The following ATM variants were observed in gnomAD, a reference collection of about 807,000 sequenced individuals.
The protein encoded by ATM is serine-protein kinase ATM.
In ATM, 308 loss-of-function variants were observed where a neutral mutation model predicts 387.0. That is an observed-to-expected ratio of 0.80 (90% CI 0.73 to 0.87). ATM has a LOEUF of 0.87. Among genes scored for constraint, ATM ranks in the 40% least tolerant of loss-of-function variants. The pLI is 0.00. For synonymous variants in ATM, 1,156 were observed against 1,187.3 expected (o/e 0.97, Z 0.54); for missense variants, 3,312 against 3,560.9 (o/e 0.93, Z 1.78).
At chr11:108,248,909 A>T (rs2135289166) in intron 8 of ATM, 24 bp from the exon 9 acceptor site, 2 of 1,576,808 alleles carry the variant, frequency 1.3e-6, no homozygotes, top group Non-Finnish European at 1.7e-6. Flanking sequence ...AAAAGAAAAA[A>T]GTGGATTTAT....
At chr11:108,288,897 A>T (rs2135748565) in intron 27 of ATM, 80 bp from the exon 28 acceptor site, 1 of 1,549,418 alleles carries the variant, frequency 6.5e-7, no homozygotes, top group Non-Finnish European at 8.8e-7. Context: ...TAAAATCTAA[A>T]TTTTCATTTT....
At chr11:108,252,443 A>G (rs1384207165) in intron 11 of ATM, among the ~76,000 whole-genome samples, 10 of 152,196 alleles carry the variant, frequency 6.6e-5, no homozygotes, top group East Asian at 1.9e-4. Context: ...TGTAAGCACT[A>G]GGATAAAGGA....
intron 20 of ATM, among the ~76,000 whole-genome samples, chr11:108,271,950 G>A (rs1252051401): frequency 1.3e-5 from 2 of 152,160 alleles, no homozygotes; most frequent in African/African-American, 4.8e-5. Context: ...TCTGCTCACT[G>A]CAACCTCCGC....
intron 8 of ATM, among the ~76,000 whole-genome samples, chr11:108,247,669 C>A (rs751114918): frequency 1.3e-5 from 2 of 152,154 alleles, no homozygotes; most frequent in Non-Finnish European, 2.9e-5. Flanking sequence ...AATCTCCGCT[C>A]ACTGCAACCT....
At chr11:108,354,744 C>CAGAT in intron 60 of ATM, 67 bp from the exon 61 acceptor site, 2 of 1,318,372 alleles carry the variant, frequency 1.5e-6, no homozygotes, top group Non-Finnish European at 2.2e-6. Context: ...TGAGAGTATA[C>CAGAT]AGATAAAGAT....
chr11:108,328,916 A>G lies in ATM; in HGVS notation c.7090-105A>G. The G allele has an allele frequency of 6.6e-6, 8 of 1,205,808 alleles. No homozygotes were observed. In the South Asian group the frequency reaches 8.2e-5, roughly 12 times the overall value. The allele number at this position is 1,205,808 out of a possible 1,614,324, so 74.7% of individuals were successfully genotyped here. ...AGTTCATATAATTTAGCTAGCTTTT[A>G]TATGTATATAAGTTAAATTTTAGTG... On this transcript the variant is annotated intron_variant, in intron 48 of 62. Transcript: ENST00000675843.
At chr11:108,276,368 G>T (rs1393917571) in intron 22 of ATM, among the ~76,000 whole-genome samples, 4 of 152,046 alleles carry the variant, frequency 2.6e-5, no homozygotes, top group African/African-American at 7.2e-5. Context: ...CTGTCAATTC[G>T]TCAAACTCAT....
At chr11:108,224,964 G>T (rs2078664504) in intron 1 of ATM, 1 of 152,182 alleles carries the variant, frequency 6.6e-6, no homozygotes, top group Non-Finnish European at 1.5e-5. Flanking sequence ...TTCTGTTTAT[G>T]TAGATAATAC....
chr11:108,285,142 T>G (rs1225709657), intron 26 of ATM, among the ~76,000 whole-genome samples: 1 of 152,122 alleles, frequency 6.6e-6, no homozygotes, highest in Non-Finnish European at 1.5e-5. Context: ...ATATTTTTAG[T>G]AGAGACGGGG....
chr11:108,284,616 CAT>C, intron 26 of ATM, 143 bp downstream of exon 26: 1 of 1,162,042 alleles, frequency 8.6e-7, no homozygotes, highest in Non-Finnish European at 1.2e-6. Flanking sequence ...ATAGCCAACC[CAT>C]GAATTTTTTT....
In ATM at chr11:108,317,464, A is replaced by G; in HGVS notation, c.6290A>G (p.Glu2097Gly). 1 of 1,612,824 alleles carries G rather than the reference A, an allele frequency of 6.2e-7. No individual in the cohort carries two copies. Among genetic ancestry groups the G allele is most frequent in the East Asian group, 2.2e-5 (1 of 44,800 alleles). Residue 2097 changes from glutamate to glycine, a missense_variant, in exon 43 of 63, where the codon GAA becomes GGA. Glu to Gly is a moderately conservative substitution (Grantham distance 98). This residue lies in a region of ATM where 1,405 missense variants were observed against 1,604.4 expected (regional missense o/e 0.88). Coordinates refer to ENST00000675843, the MANE Select transcript of ATM (RefSeq NM_000051.4). ...ENKDWCPELEELHYQAAWRNM... is the reference protein window; with the variant it reads ...ENKDWCPELEGLHYQAAWRNM... ...AAAGACTGGTGTCCTGAACTAGAAG[A>G]ACTTCATTACCAAGCAGCATGGAGG... is the stretch of plus-strand genomic sequence containing the variant.
intron 40 of ATM, among the ~76,000 whole-genome samples, chr11:108,314,853 A>G (rs1220736563): frequency 1.3e-5 from 2 of 152,184 alleles, no homozygotes; most frequent in African/African-American, 2.4e-5. Flanking sequence ...CATTTACAGA[A>G]CTGTACTGTG....
chr11:108,253,977 G>C lies in ATM; in HGVS notation c.2062G>C (p.Glu688Gln), dbSNP rs769338089. The C allele has an allele frequency of 6.2e-7, 1 of 1,614,022 alleles. No homozygotes were observed. Among genetic ancestry groups the C allele is most frequent in the Admixed American group, 1.7e-5 (1 of 60,014 alleles). Reference protein sequence around the residue: ...IGFSVHQNLKESLDRCLLGLS... With the variant: ...IGFSVHQNLKQSLDRCLLGLS... ...CTTCTCTGTCCACCAGAATCTCAAG[G>C]AATCACTGGATCGCTGTCTTCTGGG... Residue 688 changes from glutamate to glutamine, a missense_variant, in exon 13 of 63, where the codon GAA becomes CAA. By Grantham distance (29) the Glu-to-Gln change is conservative. Transcript: ENST00000675843.
chr11:108,322,819 A>T lies in ATM; in HGVS notation c.6572+1399A>T, dbSNP rs558936767. 2.6e-5 allele frequency among the ~76,000 whole-genome samples: 4 copies of T among 151,656 alleles called. 1 individual carries two copies. In the South Asian group the frequency reaches 8.4e-4, roughly 32 times the overall value. On this transcript the variant is annotated intron_variant, in intron 45 of 62. Coordinates refer to ENST00000675843, the MANE Select transcript of ATM (RefSeq NM_000051.4). ...TTGTTTCCTCATGTTTTTGCACAGC[A>T]TGTTACACTCCATTCGGTTTTAGCA... is the stretch of plus-strand genomic sequence containing the variant.
At chr11:108,292,945 C>T in intron 30 of ATM, 152 bp downstream of exon 30, 1 of 1,003,614 alleles carries the variant, frequency 1.0e-6, no homozygotes, top group Non-Finnish European at 1.5e-6. Flanking sequence ...AATGAATTAA[C>T]CTTTGTAATC....
chr11:108,287,527 A>G, intron 26 of ATM, 73 bp from the exon 27 acceptor site: 3 of 917,146 alleles, frequency 3.3e-6, no homozygotes, highest in Non-Finnish European at 3.4e-6. Flanking sequence ...ATAAGGTAAT[A>G]TATGCCTTTT....
At chr11:108,308,344 GAAGTA>G (rs771742221) in intron 38 of ATM, among the ~76,000 whole-genome samples, 39 of 152,168 alleles carry the variant, frequency 2.6e-4, no homozygotes, top group Non-Finnish European at 4.1e-4. Flanking sequence ...TTAGTTCTAA[GAAGTA>G]AATAGAGTTG....
At chr11:108,336,748 C>G (rs567278430) in intron 56 of ATM, among the ~76,000 whole-genome samples, 6 of 152,314 alleles carry the variant, frequency 3.9e-5, no homozygotes, top group Middle Eastern at 3.4e-3. Flanking sequence ...CCAAATTACT[C>G]TCAATGGGAG....
intron 59 of ATM, among the ~76,000 whole-genome samples, chr11:108,351,106 A>C (rs1464190635): frequency 1.7e-4 from 26 of 152,248 alleles, no homozygotes. Context: ...CACAATATAG[A>C]AGACTCTCAC....
Sources: gnomAD v4.1 joint callset for allele counts (sites outside exome capture counted in the v4.1 genomes callset) on GRCh38, gnomAD v4.1.1 for gene constraint, gnomAD v4.1.1 regional missense constraint, MANE v1.5 for transcripts, NCBI Gene and HGNC (gene_info 2026-07-23, HGNC 2026-07-21) for gene names.